The following PLEKHG4 variants were observed in gnomAD, a reference collection of about 807,000 sequenced individuals.
PLEKHG4 encodes puratrophin-1.
Under a neutral mutation model 136.9 loss-of-function variants are expected in PLEKHG4, and 85 were observed. That is an observed-to-expected ratio of 0.62 (90% CI 0.52 to 0.74). The LOEUF is 0.74. Ranked by LOEUF, PLEKHG4 falls within the 30% of genes least tolerant of loss-of-function variation. The pLI is 0.00. For synonymous variants in PLEKHG4, 577 were observed against 646.9 expected (o/e 0.89, Z 1.64); for missense variants, 1,317 against 1,527.8 (o/e 0.86, Z 2.30).
rs1290110215 is a variant in PLEKHG4, at chr16:67,284,018, G to A, written c.1510-257G>A. Among the ~76,000 whole-genome samples, 2 of 152,102 alleles carry A rather than the reference G, an allele frequency of 1.3e-5. No individual in the cohort carries two copies. Among genetic ancestry groups the A allele is most frequent in the Non-Finnish European group, 2.9e-5 (2 of 68,008 alleles). ...TTGGAGTCAGTGAGGCCTGAGAAGC[G>A]CTGGGGACGGGGCAGAGTGGAGCTG... On this transcript the variant is annotated intron_variant, in intron 11 of 21. Coordinates refer to ENST00000379344, the MANE Select transcript of PLEKHG4 (RefSeq NM_001129729.3). This position sits in a 1 kb window ranked among gnomAD's most constrained non-coding sequence, Gnocchi z 4.4.
In PLEKHG4 at chr16:67,282,808, A is replaced by G; in HGVS notation, c.1459A>G (p.Met487Val). The G allele has an allele frequency of 1.9e-6, 3 of 1,613,446 alleles. No individual in the cohort carries two copies. Among genetic ancestry groups the G allele is most frequent in the Non-Finnish European group, 2.5e-6 (3 of 1,180,034 alleles). ...GGAGGCTGGGGAGCCCTCGCTGGAC[A>G]TGCTGCTCCAGGCCCAAGGCTCTTT... is the stretch of plus-strand genomic sequence containing the variant. The part of the protein sequence containing the change: ...LEEAGEPSLD[M>V]LLQAQGSFQE... Residue 487 changes from methionine to valine, a missense_variant, in exon 11 of 22, where the codon ATG (methionine) becomes GTG (valine). Met to Val is a conservative substitution (Grantham distance 21). Transcript: ENST00000379344.
intron 18 of PLEKHG4, 91 bp from the exon 19 acceptor site, chr16:67,287,807 G>A: frequency 1.2e-6 from 1 of 831,412 alleles, no homozygotes; most frequent in Non-Finnish European, 2.1e-6. Context: ...CTGGATGGAG[G>A]TGTACAGGAA....
chr16:67,286,695 G>A (rs1368075681), intron 16 of PLEKHG4, 29 bp downstream of exon 16: 2 of 1,593,698 alleles, frequency 1.3e-6, no homozygotes, highest in Non-Finnish European at 1.7e-6. Flanking sequence ...AGGGCAGTGG[G>A]TGTGAAGAAG....
chr16:67,288,098 C>T (rs932160610), intron 19 of PLEKHG4, 69 bp from the exon 20 acceptor site: 6 of 1,543,384 alleles, frequency 3.9e-6, no homozygotes, highest in South Asian at 2.2e-5. Context: ...TGCTGGCCCG[C>T]ACTTTCCTTG....
At chr16:67,279,721 T>A (rs994808492) in intron 1 of PLEKHG4, 95 bp downstream of exon 1, 1 of 269,688 alleles carries the variant, frequency 3.7e-6, no homozygotes, top group African/African-American at 2.2e-5. Context: ...ACCCGAGGCA[T>A]CGTGGTGCCA....
Position 67,280,831 on chromosome 16 carries a change from T to A in PLEKHG4, c.595+25T>A, listed in dbSNP as rs771729893. Reference sequence around the variant, plus strand: ...GGTAGCCAGGCGGGCCTAGAGGCGGTGGAGGTGGAGTGGCCCAATACGGCA... The same window carrying A: ...GGTAGCCAGGCGGGCCTAGAGGCGGAGGAGGTGGAGTGGCCCAATACGGCA... On this transcript the variant is annotated intron_variant, in intron 3 of 21. Transcript: ENST00000379344. This position sits in a 1 kb window ranked among gnomAD's most constrained non-coding sequence, Gnocchi z 4.4. 3.7e-6 allele frequency: 6 copies of A among 1,613,346 alleles called. No individual in the cohort carries two copies. The highest frequency in any genetic ancestry group is 5.1e-6 in the Non-Finnish European group (6 of 1,180,000).
chr16:67,280,519 G>T lies in PLEKHG4; in HGVS notation c.475G>T (p.Glu159Ter). Reference protein sequence around the residue: ...DPVGLGDPLSEISKLLEAAPS... With the variant: ...DPVGLGDPLS Reference sequence around the variant, plus strand: ...TGTGGGCCTTGGAGACCCTTTATCAGAAATATCAAAGCTGCTGGAGGCAGG... The same window carrying T: ...TGTGGGCCTTGGAGACCCTTTATCATAAATATCAAAGCTGCTGGAGGCAGG... Residue 159 changes from glutamate to a stop codon, truncating the protein, a stop_gained, in exon 2 of 22, where the codon GAA becomes TAA. Coordinates refer to ENST00000379344, the MANE Select transcript of PLEKHG4 (RefSeq NM_001129729.3). LOFTEE classifies it high-confidence loss of function. The surrounding 1 kb of genome is among the most constrained non-coding windows in gnomAD (Gnocchi z 4.4). 6.2e-7 allele frequency: 1 copy of T among 1,612,216 alleles called. No homozygotes were observed. Among genetic ancestry groups the T allele is most frequent in the African/African-American group, 1.3e-5 (1 of 75,008 alleles).
chr16:67,280,995 A>G lies in PLEKHG4; in HGVS notation c.709A>G (p.Ser237Gly). The G allele has an allele frequency of 1.2e-6, 2 of 1,614,028 alleles. No homozygotes were observed. Among genetic ancestry groups the G allele is most frequent in the Non-Finnish European group, 1.7e-6 (2 of 1,180,026 alleles). ...ELIRLLLYLR[S>G]IPRPEVQALG... ...CATCCGCCTCCTGCTGTACCTGCGAAGCATCCCCAGGTTTGAGGGAGGGGG... is the reference window on the plus strand; with the variant it reads ...CATCCGCCTCCTGCTGTACCTGCGAGGCATCCCCAGGTTTGAGGGAGGGGG... The change falls in exon 4 of 22, where the codon AGC (serine) becomes GGC (glycine). Residue 237 changes from serine (S) to glycine (G), a missense_variant. Transcript: ENST00000379344. This position sits in a 1 kb window ranked among gnomAD's most constrained non-coding sequence, Gnocchi z 4.4.
chr16:67,281,501 C>G, intron 5 of PLEKHG4, 66 bp from the exon 6 acceptor site: 4 of 1,382,342 alleles, frequency 2.9e-6, no homozygotes, highest in Non-Finnish European at 4.1e-6. Context: ...GCCGCAATTA[C>G]AGGCGTGAGC....
chr16:67,284,283 C>A lies in PLEKHG4; in HGVS notation c.1518C>A (p.Val506=). ...AGTCTCTGTCTCTGCAGGAGCAGGT[C>A]AGGCAAGGGGAGAAGTTTCTGCAGC... is the stretch of plus-strand genomic sequence containing the variant. The part of the protein sequence containing the change: ...QELYQVAQEQ[V]RQGEKFLQPL... The change falls in exon 12 of 22, where the codon GTC becomes GTA. Residue 506 remains valine (V), a synonymous_variant. Transcript: ENST00000379344. The surrounding 1 kb of genome is among the most constrained non-coding windows in gnomAD (Gnocchi z 4.4). The A allele has an allele frequency of 1.2e-6, 2 of 1,613,774 alleles. No individual in the cohort carries two copies. The highest frequency in any genetic ancestry group is 2.2e-5 in the South Asian group (2 of 91,008).
intron 19 of PLEKHG4, 71 bp from the exon 20 acceptor site, chr16:67,288,096 C>T (rs1041114291): frequency 1.1e-5 from 17 of 1,536,406 alleles, no homozygotes; most frequent in African/African-American, 5.5e-5. Flanking sequence ...AGTGCTGGCC[C>T]GCACTTTCCT....
In PLEKHG4 at chr16:67,281,138, T is replaced by C; in HGVS notation, c.767T>C (p.Ile256Thr). Residue 256 changes from isoleucine (I) to threonine (T), a missense_variant, in exon 5 of 22, where the codon ATT (isoleucine) becomes ACT (threonine). By Grantham distance (89) the Ile-to-Thr change is moderately conservative. Coordinates refer to ENST00000379344, the MANE Select transcript of PLEKHG4 (RefSeq NM_001129729.3). The part of the protein sequence containing the change: ...LGLTVLVDAR[I>T]CAPSSSLFSG... ...CTGACAGTGCTAGTTGATGCCCGAATTTGTGCTCCAAGTTCTTCCCTCTTC... is the reference window on the plus strand; with the variant it reads ...CTGACAGTGCTAGTTGATGCCCGAACTTGTGCTCCAAGTTCTTCCCTCTTC... The C allele has an allele frequency of 6.2e-7, 1 of 1,614,106 alleles. No individual in the cohort carries two copies. The highest frequency in any genetic ancestry group is 1.7e-5 in the Admixed American group (1 of 60,016).
In PLEKHG4 at chr16:67,288,548, G is replaced by A; in HGVS notation, c.3514G>A (p.Asp1172Asn). 1.9e-6 allele frequency: 3 copies of A among 1,614,032 alleles called. No homozygotes were observed. The highest frequency in any genetic ancestry group is 1.7e-6 in the Non-Finnish European group (2 of 1,179,862). Residue 1172 changes from aspartate (D) to asparagine (N), a missense_variant, in exon 21 of 22, where the codon GAC (aspartate) becomes AAC (asparagine). Coordinates refer to ENST00000379344, the MANE Select transcript of PLEKHG4 (RefSeq NM_001129729.3). Reference protein sequence around the residue: ...CPSASGSSGSDSSCVSGQALG... With the variant: ...CPSASGSSGSNSSCVSGQALG... Reference sequence around the variant, plus strand: ...ATCAGCCAGTGGCTCCAGTGGCTCTGACAGCAGCTGTGTGTCAGGGCAGGC... The same window carrying A: ...ATCAGCCAGTGGCTCCAGTGGCTCTAACAGCAGCTGTGTGTCAGGGCAGGC...
rs773345553 is a variant in PLEKHG4 at position 67,287,986 on chromosome 16, C to T, written c.3192C>T (p.Arg1064=). 7.4e-6 allele frequency: 12 copies of T among 1,613,370 alleles called. No individual in the cohort carries two copies. Among genetic ancestry groups the T allele is most frequent in the East Asian group, 4.5e-5 (2 of 44,882 alleles). ...CCAGCGAGGAAGCCATCAACGACCG[C>T]ACCGTCAACTATGTCCTGAAGTGCC... ...IAPSEEAIND[R]TVNYVLKCRE... is the part of the protein sequence containing the mutation. The change falls in exon 19 of 22, where the codon CGC becomes CGT. Residue 1064 remains arginine (R), a synonymous_variant. Transcript: ENST00000379344.
chr16:67,278,492 C>A (rs548625925), upstream of PLEKHG4: 92 of 152,362 alleles, frequency 6.0e-4, no homozygotes, highest in African/African-American at 1.9e-3. Context: ...CAGAGCTGAC[C>A]TTCCCACAAT....
In PLEKHG4 at chr16:67,284,265, G is replaced by C; in HGVS notation, c.1510-10G>C. 1 of 1,613,204 alleles carries C rather than the reference G, an allele frequency of 6.2e-7. No individual in the cohort carries two copies. The highest frequency in any genetic ancestry group is 1.3e-5 in the African/African-American group (1 of 75,008). On this transcript the variant is annotated splice_polypyrimidine_tract_variant and intron_variant, in intron 11 of 21. Transcript: ENST00000379344. This position sits in a 1 kb window ranked among gnomAD's most constrained non-coding sequence, Gnocchi z 4.4. ...CCTGGGCTGGCTGAGCCTAGTCTCT[G>C]TCTCTGCAGGAGCAGGTCAGGCAAG...
Position 67,281,875 on chromosome 16 carries a change from G to A in PLEKHG4, c.1005+38G>A, listed in dbSNP as rs545356746. 1.0e-5 allele frequency: 16 copies of A among 1,578,290 alleles called. No individual in the cohort carries two copies. In the African/African-American group the frequency reaches 2.0e-4, roughly 20 times the overall value. On this transcript the variant is annotated intron_variant, in intron 7 of 21. Transcript: ENST00000379344. ...GGTGGGGCATGGGGGCAGTCATATA[G>A]GCAACTTGGGATCATGGAGGAGCCT...
Position 67,285,385 on chromosome 16 carries a change from G to C in PLEKHG4, c.2291G>C (p.Arg764Pro). Residue 764 changes from arginine to proline, a missense_variant, in exon 14 of 22, where the codon CGC (arginine) becomes CCC (proline). Coordinates refer to ENST00000379344, the MANE Select transcript of PLEKHG4 (RefSeq NM_001129729.3). ...GAGAACTATTTCCCCGAGCTGGATC[G>C]CCCCGATGTGCCCCAGGGCCTCCGC... ...TMENYFPELD[R>P]PDVPQGLRGQ... is the part of the protein sequence containing the mutation. 6.2e-7 allele frequency: 1 copy of C among 1,614,202 alleles called. No homozygotes were observed. The highest frequency in any genetic ancestry group is 8.5e-7 in the Non-Finnish European group (1 of 1,180,048).
Position 67,288,149 on chromosome 16 carries a change from A to G in PLEKHG4, c.3221-18A>G. The G allele has an allele frequency of 1.0e-5, 16 of 1,607,076 alleles. No homozygotes were observed. Among genetic ancestry groups the G allele is most frequent in the Non-Finnish European group, 1.4e-5 (16 of 1,174,424 alleles). ...CTAGGCTCTGGCCTGTCCCAACCTG[A>G]CCCTCTCTCTTATGCAGAAGTTCGC... On this transcript the variant is annotated intron_variant, in intron 19 of 21. Transcript: ENST00000379344.
Sources: allele counts gnomAD v4.1 joint callset (sites outside exome capture counted in the v4.1 genomes callset), GRCh38; gene constraint gnomAD v4.1.1; non-coding constraint Gnocchi (gnomAD v3.1); transcripts MANE v1.5; gene names NCBI Gene and HGNC (gene_info 2026-07-23, HGNC 2026-07-21).